Variants in TMOD1 observed in about 807,000 individuals in gnomAD.
The protein encoded by TMOD1 is tropomodulin-1.
TMOD1 carries 17 observed loss-of-function variants against 40.6 expected under a neutral mutation model. The observed-to-expected ratio is 0.42, with a 90% CI of 0.29 to 0.63. The LOEUF (loss-of-function observed/expected upper bound fraction) is 0.63. Ranked by LOEUF, TMOD1 falls within the 20% of genes least tolerant of loss-of-function variation. TMOD1 has a pLI of 0.22. For missense variants in TMOD1, 391 were observed against 447.6 expected (o/e 0.87, Z 1.14); for synonymous variants, 181 against 175.0 (o/e 1.03, Z -0.27).
intron 2 of TMOD1, among the ~76,000 whole-genome samples, chr9:97,539,971 C>CAAA (rs34844299): frequency 3.9e-4 from 28 of 71,866 alleles, no homozygotes; most frequent in South Asian, 1.1e-3. Flanking sequence ...GACTCTGTCT[C>CAAA]AAAAAAAAAA....
intron 4 of TMOD1, among the ~76,000 whole-genome samples, chr9:97,556,746 C>G (rs1190190883): frequency 6.6e-6 from 1 of 152,140 alleles, no homozygotes; most frequent in Non-Finnish European, 1.5e-5. Context: ...AGAATCAGTA[C>G]AGCGTGTGAG....
In TMOD1 at chr9:97,524,355, T is replaced by C. The variant is rs111406109; in HGVS notation, c.120+47T>C. On this transcript the variant is annotated intron_variant, in intron 2 of 9. Transcript: ENST00000259365. ...GCACATTGTCACTAGCGAGGGGACC[T>C]GGGGAGGGACAGGTGGATGCTTCCT... The C allele has an allele frequency of 9.4e-6, 15 of 1,597,278 alleles. 1 individual carries two copies. The African/African-American group carries it at 1.2e-4, about 13-fold the overall frequency.
chr9:97,566,549 T>C (rs1830731046), intron 7 of TMOD1, among the ~76,000 whole-genome samples: 1 of 152,102 alleles, frequency 6.6e-6, no homozygotes, highest in African/African-American at 2.4e-5. Flanking sequence ...TGCATGCCTG[T>C]AATCCCAGCT....
chr9:97,502,122 C>T lies in TMOD1; in HGVS notation c.-49+319C>T, dbSNP rs1398851260. Among the ~76,000 whole-genome samples the T allele has an allele frequency of 6.6e-6, 1 of 152,012 alleles. No homozygotes were observed. Among genetic ancestry groups the T allele is most frequent in the African/African-American group, 2.4e-5 (1 of 41,430 alleles). On this transcript the variant is annotated intron_variant, in intron 1 of 9. Coordinates refer to ENST00000259365, the MANE Select transcript of TMOD1 (RefSeq NM_003275.4). The surrounding 1 kb of genome is among the most constrained non-coding windows in gnomAD (Gnocchi z 6.1). The stretch of plus-strand genomic sequence containing the variant: ...ACCCGGGGTTCTGGAGGAGACGGCG[C>T]CCCGGGCTGGGGTCCTGGCGGAGGG...
At chr9:97,589,575 G>A (rs9777684) in intron 8 of TMOD1, among the ~76,000 whole-genome samples, 12,810 of 152,036 alleles carry the variant, frequency 0.084, 595 homozygotes, top group Admixed American at 0.14. Flanking sequence ...CACTGTGCCC[G>A]GCCGGAACTC....
At position 97,502,210 on chromosome 9, in the gene TMOD1, G is replaced by A. The variant is rs1829513665; in HGVS notation, c.-49+407G>A. On this transcript the variant is annotated intron_variant, in intron 1 of 9. Transcript: ENST00000259365. This position sits in a 1 kb window ranked among gnomAD's most constrained non-coding sequence, Gnocchi z 6.1. ...CTCTGAGCCCGCGGGGTGCTCAGCTGGGTACAGGTGCCAGCCGGAGCTGGG... is the reference window on the plus strand; with the variant it reads ...CTCTGAGCCCGCGGGGTGCTCAGCTAGGTACAGGTGCCAGCCGGAGCTGGG... Among the ~76,000 whole-genome samples, 2 of 152,166 alleles carry A rather than the reference G, an allele frequency of 1.3e-5. No homozygotes were observed. The highest frequency in any genetic ancestry group is 4.8e-5 in the African/African-American group (2 of 41,462).
At chr9:97,550,028 C>G (rs559217023) in intron 3 of TMOD1, among the ~76,000 whole-genome samples, 10 of 152,310 alleles carry the variant, frequency 6.6e-5, no homozygotes, top group East Asian at 1.9e-4. Flanking sequence ...AACCCTGTAC[C>G]TATTACAGTT....
chr9:97,552,116 TC>T (rs1488044378), intron 3 of TMOD1, among the ~76,000 whole-genome samples: 3 of 152,224 alleles, frequency 2.0e-5, no homozygotes, highest in African/African-American at 7.2e-5. Context: ...GATTATGTCT[TC>T]TACAAATAGA....
chr9:97,514,244 G>GT (rs1554753252), intron 1 of TMOD1, among the ~76,000 whole-genome samples: 1 of 31,912 alleles, frequency 3.1e-5, no homozygotes, highest in South Asian at 1.4e-3. Context: ...TTTTTTTGGG[G>GT]GGGGGGTTGT....
At chr9:97,559,949 C>T (rs1165984858) in intron 4 of TMOD1, among the ~76,000 whole-genome samples, 1 of 150,134 alleles carries the variant, frequency 6.7e-6, no homozygotes, top group Non-Finnish European at 1.5e-5. Flanking sequence ...GACCGAGAGC[C>T]ACTGGTCTTG....
At chr9:97,517,036 A>G (rs1312952281) in intron 1 of TMOD1, among the ~76,000 whole-genome samples, 1 of 152,154 alleles carries the variant, frequency 6.6e-6, no homozygotes, top group Non-Finnish European at 1.5e-5. Flanking sequence ...CAACAAAAAG[A>G]TAGTGGGCCT....
Position 97,557,568 on chromosome 9 carries a change from C to T in TMOD1, c.397+4168C>T, listed in dbSNP as rs1830555162. 2.6e-5 allele frequency among the ~76,000 whole-genome samples: 4 copies of T among 152,342 alleles called. No homozygotes were observed. In the South Asian group the frequency reaches 8.3e-4, roughly 32 times the overall value. ...TGTGCTTAGGCACCTGTCCTGCTAC[C>T]CTGCCAGTGGCAGGGTGTATCTTAT... On this transcript the variant is annotated intron_variant, in intron 4 of 9. Transcript: ENST00000259365. The surrounding 1 kb of genome is among the most constrained non-coding windows in gnomAD (Gnocchi z 4.4).
At chr9:97,564,896 C>T (rs1830703604) in intron 6 of TMOD1, among the ~76,000 whole-genome samples, 1 of 152,110 alleles carries the variant, frequency 6.6e-6, no homozygotes, top group South Asian at 2.1e-4. Flanking sequence ...CCCCCCATGC[C>T]CCTGCTCCAC....
chr9:97,590,166 G>A (rs1825972210), intron 8 of TMOD1, among the ~76,000 whole-genome samples: 1 of 151,302 alleles, frequency 6.6e-6, no homozygotes, highest in Admixed American at 6.6e-5. Flanking sequence ...TATTTAGTAT[G>A]GTTGAACTAT....
intron 1 of TMOD1, among the ~76,000 whole-genome samples, chr9:97,507,921 A>T (rs1004239162): frequency 6.6e-6 from 1 of 152,170 alleles, no homozygotes; most frequent in Non-Finnish European, 1.5e-5. Flanking sequence ...ATAGTAGTTA[A>T]GGCGGACTCC....
chr9:97,560,346 C>T (rs977327708), intron 4 of TMOD1, among the ~76,000 whole-genome samples: 1 of 151,980 alleles, frequency 6.6e-6, no homozygotes, highest in African/African-American at 2.4e-5. Context: ...CAGGAAGACT[C>T]CCTGGAGGAG....
chr9:97,518,885 G>A (rs958291327), intron 1 of TMOD1, among the ~76,000 whole-genome samples: 3 of 152,188 alleles, frequency 2.0e-5, no homozygotes, highest in African/African-American at 4.8e-5. Flanking sequence ...AGTGTCTTCC[G>A]GAAGACAGGG....
At position 97,502,264 on chromosome 9, in the gene TMOD1, C is replaced by T. The variant is rs939828043; in HGVS notation, c.-49+461C>T. ...GGGGGCGCGGCCTCTTCTCCGCCTG[C>T]AAGAGTCTGGGGGTGGGAGTGGGGG... On this transcript the variant is annotated intron_variant, in intron 1 of 9. Coordinates refer to ENST00000259365, the MANE Select transcript of TMOD1 (RefSeq NM_003275.4). The surrounding 1 kb of genome is among the most constrained non-coding windows in gnomAD (Gnocchi z 6.1). 3.9e-5 allele frequency among the ~76,000 whole-genome samples: 6 copies of T among 152,164 alleles called. No homozygotes were observed. The highest frequency in any genetic ancestry group is 7.4e-5 in the Non-Finnish European group (5 of 68,018).
intron 4 of TMOD1, among the ~76,000 whole-genome samples, chr9:97,554,940 C>T (rs189553024): frequency 1.3e-4 from 20 of 152,246 alleles, no homozygotes; most frequent in Middle Eastern, 6.8e-3. Flanking sequence ...GTCTGGGGGA[C>T]CTGAGGAGTG....
Sources: allele counts gnomAD v4.1 joint callset (sites outside exome capture counted in the v4.1 genomes callset), GRCh38; gene constraint gnomAD v4.1.1; non-coding constraint Gnocchi (gnomAD v3.1); transcripts MANE v1.5; gene names NCBI Gene and HGNC (gene_info 2026-07-23, HGNC 2026-07-21).